Variants in ADGRL2 observed in about 807,000 individuals in gnomAD.
ADGRL2 encodes the protein adhesion G protein-coupled receptor L2.
A neutral mutation model predicts 157.4 loss-of-function variants in ADGRL2; 44 were observed. That is an observed-to-expected ratio of 0.28 (90% confidence interval 0.22 to 0.36). The LOEUF is 0.36. Among genes scored for constraint, ADGRL2 ranks in the 10% least tolerant of loss-of-function variants. The pLI is 1.00. For synonymous variants in ADGRL2, 585 were observed against 624.7 expected, an observed-to-expected ratio of 0.94 and a Z score of 0.95; for missense variants, 1,510 against 1,768.9, an observed-to-expected ratio of 0.85 and a Z score of 2.63.
intron 1 of ADGRL2, among the ~76,000 whole-genome samples, chr1:81,312,975 C>T (rs1306412864): frequency 6.6e-6 from 1 of 152,164 alleles, no homozygotes; most frequent in Non-Finnish European, 1.5e-5. Flanking sequence ...TCTCTCTGAG[C>T]TTCAGCTTCC....
chr1:81,729,236 C>T (rs950758516), intron 1 of ADGRL2, among the ~76,000 whole-genome samples: 1 of 151,882 alleles, frequency 6.6e-6, no homozygotes, highest in Admixed American at 6.6e-5. Context: ...TGCTAAGCTT[C>T]GCTGTATTTA....
chr1:81,421,062 A>T (rs1160228898), intron 1 of ADGRL2, among the ~76,000 whole-genome samples: 2 of 152,192 alleles, frequency 1.3e-5, no homozygotes. Context: ...CAAGTAAATG[A>T]TCATCAGCAA....
chr1:81,950,144 T>A, intron 6 of ADGRL2, 45 bp from the exon 7 acceptor site: 1 of 1,525,764 alleles, frequency 6.6e-7, no homozygotes, highest in Admixed American at 1.7e-5. Context: ...TGTATGTGAG[T>A]GCAAGTGTGT....
chr1:81,499,163 A>G (rs1025464821), intron 2 of ADGRL2, among the ~76,000 whole-genome samples: 1 of 152,376 alleles, frequency 6.6e-6, no homozygotes, highest in Non-Finnish European at 1.5e-5. Flanking sequence ...ATAAGGGGAA[A>G]CAATAAGAGA....
At chr1:81,900,406 G>T (rs1241760197) in intron 2 of ADGRL2, among the ~76,000 whole-genome samples, 1 of 152,120 alleles carries the variant, frequency 6.6e-6, no homozygotes, top group Non-Finnish European at 1.5e-5. Flanking sequence ...TGTCATTGTG[G>T]AAGTTTCATC....
chr1:81,963,690 G>A (rs1390901562), intron 11 of ADGRL2, among the ~76,000 whole-genome samples: 1 of 151,298 alleles, frequency 6.6e-6, no homozygotes, highest in Non-Finnish European at 1.5e-5. Context: ...ATTTTCTAAT[G>A]TATTAATTTC....
At chr1:81,499,937 TATAAC>T (rs1348801849) in intron 2 of ADGRL2, among the ~76,000 whole-genome samples, 1 of 147,974 alleles carries the variant, frequency 6.8e-6, no homozygotes, top group Non-Finnish European at 1.5e-5. Flanking sequence ...ATATATATAA[TATAAC>T]TATGCTTTCT....
chr1:81,457,971 A>C (rs373056726), intron 2 of ADGRL2, among the ~76,000 whole-genome samples: 1 of 152,160 alleles, frequency 6.6e-6, no homozygotes, highest in African/African-American at 2.4e-5. Flanking sequence ...CTAACTTCCA[A>C]TCAGATATTA....
intron 1 of ADGRL2, among the ~76,000 whole-genome samples, chr1:81,715,724 G>C (rs1418238122): frequency 1.3e-5 from 2 of 152,086 alleles, no homozygotes; most frequent in African/African-American, 4.8e-5. Context: ...AGTGCTGAGG[G>C]GGAAATATCT....
chr1:81,412,876 A>G (rs2076971104), intron 1 of ADGRL2, among the ~76,000 whole-genome samples: 1 of 147,058 alleles, frequency 6.8e-6, no homozygotes, highest in Non-Finnish European at 1.5e-5. Flanking sequence ...GTATTTCTAA[A>G]AAGAGGAACT....
chr1:81,823,485 C>T (rs2091197594), intron 1 of ADGRL2, among the ~76,000 whole-genome samples: 1 of 151,184 alleles, frequency 6.6e-6, no homozygotes, highest in South Asian at 2.1e-4. Context: ...TGTGCTAGCT[C>T]TTTGTCAGGC....
chr1:81,453,357 CAA>C (rs1422872874), intron 2 of ADGRL2, among the ~76,000 whole-genome samples: 2 of 152,158 alleles, frequency 1.3e-5, no homozygotes, highest in East Asian at 3.9e-4. Flanking sequence ...CCGAGAAAAA[CAA>C]AGACATCTCT....
chr1:81,506,347 G>A (rs6670348), intron 2 of ADGRL2: 11,456 of 152,178 alleles, frequency 0.075, 627 homozygotes, highest in East Asian at 0.25. Context: ...TTAAATGAGG[G>A]TGGAGGGGTA....
intron 2 of ADGRL2, among the ~76,000 whole-genome samples, chr1:81,888,161 G>A (rs1433810395): frequency 6.6e-6 from 1 of 152,132 alleles, no homozygotes; most frequent in Non-Finnish European, 1.5e-5. Context: ...AAGGTATGGA[G>A]ACAATAAGTT....
At chr1:81,326,237 T>C (rs1192181890) in intron 1 of ADGRL2, among the ~76,000 whole-genome samples, 1 of 152,224 alleles carries the variant, frequency 6.6e-6, no homozygotes, top group African/African-American at 2.4e-5. Context: ...TTTTATTTTC[T>C]TTTCCATAGA....
intron 3 of ADGRL2, among the ~76,000 whole-genome samples, chr1:81,589,737 T>C (rs2081095876): frequency 6.6e-6 from 1 of 152,176 alleles, no homozygotes; most frequent in South Asian, 2.1e-4. Context: ...CCTCAGGATG[T>C]GGTAACTGGT....
chr1:81,594,179 C>T (rs2081186996), intron 3 of ADGRL2, among the ~76,000 whole-genome samples: 1 of 152,120 alleles, frequency 6.6e-6, no homozygotes, highest in Admixed American at 6.6e-5. Flanking sequence ...ATCTGCCTGG[C>T]ACTTCTACTT....
chr1:81,979,569 G>A lies in ADGRL2; in HGVS notation c.3022-300G>A, dbSNP rs192417448. Among the ~76,000 whole-genome samples the A allele has an allele frequency of 3.3e-5, 5 of 151,810 alleles. No individual in the cohort carries two copies. The East Asian group carries it at 9.7e-4, about 30-fold the overall frequency. Reference sequence around the variant, plus strand: ...GGAATTCACTTTAGTGTTTCCATCAGATGGTTTTTAGGCCCTGAAGTACAT... The same window carrying A: ...GGAATTCACTTTAGTGTTTCCATCAAATGGTTTTTAGGCCCTGAAGTACAT... On this transcript the variant is annotated intron_variant, in intron 17 of 23. Transcript: ENST00000686636.
At chr1:81,903,679 TTCA>T (rs896216397) in intron 2 of ADGRL2, among the ~76,000 whole-genome samples, 4 of 148,942 alleles carry the variant, frequency 2.7e-5, no homozygotes, top group African/African-American at 9.8e-5. Context: ...TATTTCTCTC[TTCA>T]TATTTGTTTT....
Sources: allele counts gnomAD v4.1 joint callset (sites outside exome capture counted in the v4.1 genomes callset), GRCh38; gene constraint gnomAD v4.1.1; transcripts MANE v1.5; gene names NCBI Gene and HGNC (gene_info 2026-07-23, HGNC 2026-07-21).